Variants in RRBP1 observed in about 807,000 individuals in gnomAD.
RRBP1 encodes ribosome binding protein 1.
RRBP1 carries 94 observed loss-of-function variants against 165.2 expected under a neutral mutation model. The observed-to-expected ratio is 0.57, with a 90% confidence interval of 0.48 to 0.68. RRBP1 has a LOEUF of 0.68. RRBP1 is among the 30% of genes least tolerant of loss of function. The pLI is 0.00. For synonymous variants in RRBP1, 680 were observed against 714.5 expected (o/e 0.95, Z 0.77); for missense variants, 1,676 against 1,763.0 (o/e 0.95, Z 0.88).
chr20:17,619,386 C>T (rs2035864070), intron 19 of RRBP1: 2 of 412,012 alleles, frequency 4.9e-6, no homozygotes, highest in Non-Finnish European at 8.6e-6. Flanking sequence ...ACGCCTCCCT[C>T]GGGGCAGGGC....
At chr20:17,621,823 T>G in intron 14 of RRBP1, 32 bp downstream of exon 14, 1 of 1,611,624 alleles carries the variant, frequency 6.2e-7, no homozygotes, top group Non-Finnish European at 8.5e-7. Flanking sequence ...CTGAGAACTG[T>G]GAGGTCCCCG....
intron 22 of RRBP1, 77 bp from the exon 23 acceptor site, chr20:17,615,606 C>G (rs1025183888): frequency 7.8e-7 from 1 of 1,278,198 alleles, no homozygotes; most frequent in Non-Finnish European, 1.1e-6. Flanking sequence ...CCGAGCACGC[C>G]TGGGGACCAG....
intron 5 of RRBP1, 66 bp from the exon 6 acceptor site, chr20:17,636,795 G>A (rs1215042868): frequency 1.9e-6 from 3 of 1,589,280 alleles, no homozygotes; most frequent in Admixed American, 1.7e-5. Context: ...TCAGAAGGGA[G>A]CAAGAGCATC....
chr20:17,622,863 TG>T (rs1234446855), intron 13 of RRBP1: 1 of 152,268 alleles, frequency 6.6e-6, no homozygotes, highest in East Asian at 1.9e-4. Flanking sequence ...TCAGAGCTGA[TG>T]GAGTGTTAAC....
In RRBP1 at chr20:17,624,595, A is replaced by T. The variant is rs6034867; in HGVS notation, c.3128T>A (p.Leu1043His). ...TAEQACKEKL[L>H]SLTQAKEESE... The stretch of plus-strand genomic sequence containing the variant: ...TCTGACCTTGGCCTGGGTCAGGGAG[A>T]GCAGCTTCTCCTTGCAGGCCTGCTC... The change falls in exon 13 of 25, where the codon CTC becomes CAC. Residue 1043 changes from leucine (L) to histidine (H), a missense_variant. By Grantham distance (99) the Leu-to-His change is moderately conservative. This residue lies in a region of RRBP1 where 1,184 missense variants were observed against 1,167.1 expected (regional missense o/e 1.01). Coordinates refer to ENST00000377813, the MANE Select transcript of RRBP1 (RefSeq NM_001365613.2). 1,592,582 of 1,592,674 alleles carry T rather than the reference A, an allele frequency of 1. 796,245 individuals carry two copies. Among genetic ancestry groups the T allele is most frequent in the Non-Finnish European group, 1 (1,169,820 of 1,169,820 alleles).
chr20:17,615,967 C>T lies in RRBP1; in HGVS notation c.3910G>A (p.Glu1304Lys). The T allele has an allele frequency of 6.2e-7, 1 of 1,609,666 alleles. No homozygotes were observed. The highest frequency in any genetic ancestry group is 1.1e-5 in the South Asian group (1 of 91,060). ...LEWTEAILED[E>K]QTQRQKLTAE... ...GTGAGCTTCTGCCGCTGTGTCTGCT[C>T]ATCCTCCAGGATGGCTTCTGTCCAC... Residue 1304 changes from glutamate (E) to lysine (K), a missense_variant, in exon 22 of 25, where the codon GAG (glutamate) becomes AAG (lysine). By Grantham distance (56) the Glu-to-Lys change is moderately conservative. Coordinates refer to ENST00000377813, the MANE Select transcript of RRBP1 (RefSeq NM_001365613.2).
intron 9 of RRBP1, among the ~76,000 whole-genome samples, chr20:17,629,133 G>T (rs117191905): frequency 6.6e-6 from 1 of 152,208 alleles, no homozygotes; most frequent in Non-Finnish European, 1.5e-5. Flanking sequence ...TGTGTAGAGG[G>T]CCCTGCTGTG....
At chr20:17,629,772 C>T (rs2036110492) in intron 9 of RRBP1, 51 bp downstream of exon 9, 3 of 1,545,514 alleles carry the variant, frequency 1.9e-6, no homozygotes, top group African/African-American at 1.4e-5. Context: ...GGCCGGCATG[C>T]AGACCCAGCA....
At chr20:17,651,051 G>A (rs890987365) in intron 3 of RRBP1, among the ~76,000 whole-genome samples, 5 of 152,178 alleles carry the variant, frequency 3.3e-5, no homozygotes, top group African/African-American at 1.2e-4. Flanking sequence ...GGAACACGGG[G>A]AAGCTTCCAT....
intron 2 of RRBP1, among the ~76,000 whole-genome samples, chr20:17,679,635 A>G (rs2037142720): frequency 1.3e-5 from 2 of 152,198 alleles, no homozygotes; most frequent in Admixed American, 1.3e-4. Context: ...CAACCATTTA[A>G]ACTGAGTTTG....
chr20:17,650,881 G>A (rs150953477), intron 3 of RRBP1, among the ~76,000 whole-genome samples: 293 of 152,264 alleles, frequency 1.9e-3, no homozygotes, highest in African/African-American at 4.5e-3. Flanking sequence ...CTCAATCTGA[G>A]GATAAAAATA....
intron 9 of RRBP1, among the ~76,000 whole-genome samples, chr20:17,628,630 C>T (rs2036081536): frequency 6.6e-6 from 1 of 152,238 alleles, no homozygotes; most frequent in South Asian, 2.1e-4. Flanking sequence ...TGGCCCTGCC[C>T]CGCCACCAGC....
intron 2 of RRBP1, among the ~76,000 whole-genome samples, chr20:17,661,005 G>A (rs2036756337): frequency 6.6e-6 from 1 of 151,632 alleles, no homozygotes; most frequent in Non-Finnish European, 1.5e-5. Context: ...GTTGGAAGAT[G>A]TTTTGATTTT....
intron 2 of RRBP1, among the ~76,000 whole-genome samples, chr20:17,666,237 T>C (rs1438647797): frequency 6.6e-6 from 1 of 152,030 alleles, no homozygotes; most frequent in Non-Finnish European, 1.5e-5. Flanking sequence ...CCAGGCACAG[T>C]GGTTCGTGTC....
At position 17,621,928 on chromosome 20, in the gene RRBP1, A is replaced by T; in HGVS notation, c.3167T>A (p.Leu1056His). 1 of 1,611,006 alleles carries T rather than the reference A, an allele frequency of 6.2e-7. No individual in the cohort carries two copies. Among genetic ancestry groups the T allele is most frequent in the Admixed American group, 1.7e-5 (1 of 59,964 alleles). ...TQAKEESEKQ[L>H]CLIEAQTMEA... The stretch of plus-strand genomic sequence containing the variant: ...CATGGTCTGCGCCTCAATCAGACAG[A>T]GCTGCTTCTCCGATTCCTCCTGGGG... The change falls in exon 14 of 25, where the codon CTC (leucine) becomes CAC (histidine). Residue 1056 changes from leucine (L) to histidine (H), a missense_variant. This residue lies in a region of RRBP1 where 1,184 missense variants were observed against 1,167.1 expected (regional missense o/e 1.01). Transcript: ENST00000377813.
intron 3 of RRBP1, among the ~76,000 whole-genome samples, chr20:17,647,528 T>TG (rs1488362410): frequency 6.6e-6 from 1 of 152,182 alleles, no homozygotes; most frequent in Non-Finnish European, 1.5e-5. Context: ...CCCAGGGGGA[T>TG]GCGGCTGGAA....
At chr20:17,678,622 C>T (rs1424159519) in intron 2 of RRBP1, among the ~76,000 whole-genome samples, 2 of 152,238 alleles carry the variant, frequency 1.3e-5, no homozygotes, top group African/African-American at 4.8e-5. Flanking sequence ...GCTGCCTCTA[C>T]ATCAGCACTG....
chr20:17,626,861 A>C (rs953312248), intron 11 of RRBP1, among the ~76,000 whole-genome samples: 40 of 152,174 alleles, frequency 2.6e-4, no homozygotes, highest in Non-Finnish European at 8.8e-5. Context: ...CAGTGAAGTC[A>C]CCTCACAGAT....
intron 3 of RRBP1, among the ~76,000 whole-genome samples, chr20:17,648,204 A>G (rs1029254925): frequency 5.4e-5 from 8 of 147,708 alleles, no homozygotes; most frequent in Non-Finnish European, 1.2e-4. Context: ...TCCGGCCAAC[A>G]TCACTGCTGG....
Sources: gnomAD v4.1 joint callset for allele counts (sites outside exome capture counted in the v4.1 genomes callset) on GRCh38, gnomAD v4.1.1 for gene constraint, gnomAD v4.1.1 regional missense constraint, MANE v1.5 for transcripts, NCBI Gene and HGNC (gene_info 2026-07-23, HGNC 2026-07-21) for gene names.